Variants in TMEM132D observed in about 807,000 individuals in gnomAD.
TMEM132D encodes the protein mature OL transmembrane protein.
Under a neutral mutation model 62.3 loss-of-function variants are expected in TMEM132D, and 21 were observed. The ratio of observed to expected loss-of-function variants is 0.34; its 90% CI spans 0.24 to 0.49. The LOEUF (loss-of-function observed/expected upper bound fraction) is 0.49. TMEM132D is among the 20% of genes least tolerant of loss of function. The pLI, the probability that TMEM132D is intolerant of heterozygous loss-of-function variation, is 0.99. For synonymous variants in TMEM132D, 621 were observed against 575.6 expected (o/e 1.08, Z -1.13); for missense variants, 1,346 against 1,402.8 (o/e 0.96, Z 0.65).
At chr12:129,267,512 C>T (rs1377609423) in intron 4 of TMEM132D, among the ~76,000 whole-genome samples, 1 of 152,172 alleles carries the variant, frequency 6.6e-6, no homozygotes, top group Non-Finnish European at 1.5e-5. Context: ...GAACTACAAA[C>T]CACTGCTCAA....
chr12:129,900,344 A>C lies in TMEM132D; in HGVS notation c.79+2917T>G, dbSNP rs28625121. The stretch of plus-strand genomic sequence containing the variant: ...GTTTCAGCATATTATTAGAGGCCAG[A>C]AGCTCTACATATGGAAGCAGTTTCA... On this transcript the variant is annotated intron_variant, in intron 1 of 8. Coordinates refer to ENST00000422113, the MANE Select transcript of TMEM132D (RefSeq NM_133448.3). Among the ~76,000 whole-genome samples the C allele has an allele frequency of 7.8e-3, 1,180 of 152,246 alleles. 18 individuals are homozygous for C. The highest frequency in any genetic ancestry group is 0.027 in the African/African-American group (1,136 of 41,544).
At chr12:129,335,127 C>CT (rs386378228) in intron 4 of TMEM132D, among the ~76,000 whole-genome samples, 69,071 of 104,690 alleles carry the variant, frequency 0.66, 23,872 homozygotes, top group South Asian at 0.76. Flanking sequence ...CTAATAAGTA[C>CT]TTTTTTTTTT....
At chr12:129,191,804 CCT>C (rs1878413326) in intron 5 of TMEM132D, among the ~76,000 whole-genome samples, 1 of 151,994 alleles carries the variant, frequency 6.6e-6, no homozygotes, top group African/African-American at 2.4e-5. Context: ...CGAAATATCT[CCT>C]GTTTTTGTCC....
chr12:129,477,587 G>A (rs1199054525), intron 3 of TMEM132D, among the ~76,000 whole-genome samples: 3 of 152,148 alleles, frequency 2.0e-5, no homozygotes, highest in South Asian at 2.1e-4. Flanking sequence ...TTGGGAGGCC[G>A]AGGCGGGTGG....
At chr12:129,081,461 G>A (rs919995283) in intron 7 of TMEM132D, among the ~76,000 whole-genome samples, 11 of 152,014 alleles carry the variant, frequency 7.2e-5, no homozygotes, top group African/African-American at 2.2e-4. Flanking sequence ...ACCACACTCG[G>A]GTAATTTTTT....
At chr12:129,413,757 T>G (rs1872036299) in intron 3 of TMEM132D, among the ~76,000 whole-genome samples, 1 of 152,216 alleles carries the variant, frequency 6.6e-6, no homozygotes, top group Non-Finnish European at 1.5e-5. Flanking sequence ...GAGCTTACAC[T>G]CAATTCTAGG....
chr12:129,491,636 G>A (rs1168526664), intron 3 of TMEM132D, among the ~76,000 whole-genome samples: 1 of 152,126 alleles, frequency 6.6e-6, no homozygotes, highest in Non-Finnish European at 1.5e-5. Flanking sequence ...CAGGAGCCTG[G>A]GTTTTTAAAT....
At chr12:129,391,079 C>T (rs1459732365) in intron 3 of TMEM132D, among the ~76,000 whole-genome samples, 1 of 152,202 alleles carries the variant, frequency 6.6e-6, no homozygotes, top group African/African-American at 2.4e-5. Flanking sequence ...TCATTCTCTT[C>T]ACAGCTGCTT....
intron 3 of TMEM132D, among the ~76,000 whole-genome samples, chr12:129,432,075 C>G (rs1872666686): frequency 6.6e-6 from 1 of 152,162 alleles, no homozygotes; most frequent in African/African-American, 2.4e-5. Context: ...TCTCTAGACT[C>G]TTATCACTAT....
intron 1 of TMEM132D, among the ~76,000 whole-genome samples, chr12:129,866,603 T>TA (rs202220288): frequency 0.021 from 3,026 of 143,978 alleles, 90 homozygotes; most frequent in African/African-American, 0.069. Flanking sequence ...AAAAATATAT[T>TA]AAAAAAAAAA....
At chr12:129,120,076 A>G (rs1265380010) in intron 5 of TMEM132D, among the ~76,000 whole-genome samples, 1 of 152,120 alleles carries the variant, frequency 6.6e-6, no homozygotes, top group Non-Finnish European at 1.5e-5. Flanking sequence ...TGAAAGAGAG[A>G]GGAAGTTGGA....
chr12:129,777,004 T>G (rs1870956550), intron 1 of TMEM132D, among the ~76,000 whole-genome samples: 1 of 152,232 alleles, frequency 6.6e-6, no homozygotes, highest in Non-Finnish European at 1.5e-5. Context: ...AAGGTGTTGT[T>G]AAATATCTGC....
At chr12:129,416,197 G>A (rs1487403767) in intron 3 of TMEM132D, among the ~76,000 whole-genome samples, 3 of 152,220 alleles carry the variant, frequency 2.0e-5, no homozygotes, top group African/African-American at 4.8e-5. Context: ...AGCATGGAAT[G>A]TTTTTCCATT....
chr12:129,170,806 T>TA (rs35002656), intron 5 of TMEM132D, among the ~76,000 whole-genome samples: 114,366 of 147,634 alleles, frequency 0.77, 45,242 homozygotes, highest in Non-Finnish European at 0.88. Flanking sequence ...AGACTCCAAG[T>TA]AAAAAAAAAA....
chr12:129,440,773 TAG>T (rs1377391115), intron 3 of TMEM132D, among the ~76,000 whole-genome samples: 7 of 150,892 alleles, frequency 4.6e-5, no homozygotes, highest in Non-Finnish European at 1.0e-4. Context: ...GCAGGATGTA[TAG>T]AGAGTTCTAC....
chr12:129,691,657 G>T (rs1352901647), intron 2 of TMEM132D, among the ~76,000 whole-genome samples: 1 of 152,048 alleles, frequency 6.6e-6, no homozygotes, highest in Non-Finnish European at 1.5e-5. Flanking sequence ...TATTTGAGGT[G>T]ATGAATATGT....
chr12:129,701,305 G>C (rs1377159250), intron 1 of TMEM132D, among the ~76,000 whole-genome samples: 2 of 152,210 alleles, frequency 1.3e-5, no homozygotes, highest in Non-Finnish European at 2.9e-5. Context: ...CACATGGACA[G>C]TGGACACCCG....
At position 129,325,266 on chromosome 12, in the gene TMEM132D, G is replaced by T. The variant is rs79129407; in HGVS notation, c.1299+12368C>A. ...GGATCAGACGCTGGACAGAAACAAG[G>T]TTTGTTAGGTGCAAAGAAATACCAT... On this transcript the variant is annotated intron_variant, in intron 4 of 8. Transcript: ENST00000422113. 9.1e-3 allele frequency among the ~76,000 whole-genome samples: 1,384 copies of T among 152,280 alleles called. 30 individuals are homozygous for T. The highest frequency in any genetic ancestry group is 0.031 in the African/African-American group (1,306 of 41,548).
intron 1 of TMEM132D, among the ~76,000 whole-genome samples, chr12:129,756,983 C>G (rs559051655): frequency 2.0e-5 from 3 of 152,314 alleles, no homozygotes; most frequent in South Asian, 4.1e-4. Flanking sequence ...CCCATGCCAC[C>G]TTTCCAACCA....
Sources: allele counts gnomAD v4.1 joint callset (sites outside exome capture counted in the v4.1 genomes callset), GRCh38; gene constraint gnomAD v4.1.1; transcripts MANE v1.5; gene names NCBI Gene and HGNC (gene_info 2026-07-23, HGNC 2026-07-21).